BCAS3: variants seen among roughly 807,000 people sequenced by gnomAD.
BCAS3 encodes BCAS3 microtubule associated cell migration factor, also known as BCAS4/BCAS3 fusion.
Under a neutral mutation model 116.1 loss-of-function variants are expected in BCAS3, and 53 were observed. That is an observed-to-expected ratio of 0.46 (90% CI 0.37 to 0.57). The LOEUF is 0.57. Among genes scored for constraint, BCAS3 ranks in the 20% least tolerant of loss-of-function variants. The pLI is 0.00. For synonymous variants in BCAS3, 391 were observed against 408.2 expected (o/e 0.96, Z 0.51); for missense variants, 917 against 1,165.4 (o/e 0.79, Z 3.10).
intron 7 of BCAS3, among the ~76,000 whole-genome samples, chr17:60,855,452 ATTTT>A (rs565603643): frequency 8.0e-6 from 1 of 125,748 alleles, no homozygotes. Flanking sequence ...CTATTTTTAA[ATTTT>A]TTTTTTTTTT....
chr17:61,194,855 C>T (rs552603135), intron 22 of BCAS3, among the ~76,000 whole-genome samples: 6 of 152,004 alleles, frequency 3.9e-5, no homozygotes, highest in African/African-American at 7.2e-5. Flanking sequence ...AATATCTTCA[C>T]TTTCCATCTC....
At chr17:61,310,869 C>T (rs2054253018) in intron 22 of BCAS3, among the ~76,000 whole-genome samples, 2 of 152,098 alleles carry the variant, frequency 1.3e-5, no homozygotes, top group Admixed American at 6.5e-5. Context: ...GGTAGAATGC[C>T]GATGAGGATC....
chr17:60,887,260 C>A (rs1289931006), intron 9 of BCAS3: 1 of 151,018 alleles, frequency 6.6e-6, no homozygotes, highest in East Asian at 1.9e-4. Flanking sequence ...CTCCCTGACC[C>A]CTTGCGCTTC....
intron 23 of BCAS3, among the ~76,000 whole-genome samples, chr17:61,375,173 T>C (rs912831536): frequency 6.6e-6 from 1 of 152,026 alleles, no homozygotes. Flanking sequence ...ATAACAAATA[T>C]TTGTTGATTG....
chr17:60,922,620 CT>C, intron 12 of BCAS3, among the ~76,000 whole-genome samples: 1 of 152,260 alleles, frequency 6.6e-6, no homozygotes, highest in Middle Eastern at 3.4e-3. Flanking sequence ...TATTTTCTAA[CT>C]TGACCACCCA....
intron 6 of BCAS3, among the ~76,000 whole-genome samples, chr17:60,766,074 T>G (rs1657315743): frequency 6.6e-6 from 1 of 152,196 alleles, no homozygotes; most frequent in Non-Finnish European, 1.5e-5. Flanking sequence ...TTTATTCTAG[T>G]TAGCCATTTG....
intron 14 of BCAS3, among the ~76,000 whole-genome samples, chr17:60,979,621 T>G (rs1287625374): frequency 9.4e-5 from 14 of 148,996 alleles, no homozygotes; most frequent in African/African-American, 3.5e-4. Flanking sequence ...AGTATGATAT[T>G]GGCTGTGGGT....
rs182142933 is a variant in BCAS3, at chr17:61,366,953, C to T, written c.2426-1374C>T. Among the ~76,000 whole-genome samples the T allele has an allele frequency of 1.3e-5, 2 of 152,308 alleles. No homozygotes were observed. The highest frequency in any genetic ancestry group is 4.8e-5 in the African/African-American group (2 of 41,552). The stretch of plus-strand genomic sequence containing the variant: ...CCTCTTTGCTGATGTATGGAGTCAC[C>T]GGCTGTCGGAGTGTTTACTAACGGT... On this transcript the variant is annotated intron_variant, in intron 22 of 23. Transcript: ENST00000407086. The surrounding 1 kb of genome is among the most constrained non-coding windows in gnomAD (Gnocchi z 4.5).
chr17:60,829,467 G>C (rs9903705), intron 7 of BCAS3, among the ~76,000 whole-genome samples: 32,690 of 150,280 alleles, frequency 0.22, 4,577 homozygotes, highest in African/African-American at 0.4. Flanking sequence ...GCACTCCAGC[G>C]TGGACAATAG....
At chr17:60,902,495 C>G in intron 10 of BCAS3, 125 bp from the exon 11 acceptor site, 2 of 756,870 alleles carry the variant, frequency 2.6e-6, no homozygotes, top group East Asian at 2.5e-5. Context: ...CTGAAATACA[C>G]TCATGCAAAC....
In BCAS3 at chr17:61,324,406, G is replaced by A. The variant is rs2055560605; in HGVS notation, c.2426-43921G>A. Reference sequence around the variant, plus strand: ...GCTGATCACTGTCAGGGCAGGGCAGGGAGAGGCTGCCCCGAGTATGTGTGG... The same window carrying A: ...GCTGATCACTGTCAGGGCAGGGCAGAGAGAGGCTGCCCCGAGTATGTGTGG... On this transcript the variant is annotated intron_variant, in intron 22 of 23. Coordinates refer to ENST00000407086, the MANE Select transcript of BCAS3 (RefSeq NM_017679.5). This position sits in a 1 kb window ranked among gnomAD's most constrained non-coding sequence, Gnocchi z 4.6. 6.6e-6 allele frequency among the ~76,000 whole-genome samples: 1 copy of A among 152,192 alleles called. No individual in the cohort carries two copies. The highest frequency in any genetic ancestry group is 2.1e-4 in the South Asian group (1 of 4,832).
chr17:61,187,417 T>G (rs948410468), intron 22 of BCAS3, among the ~76,000 whole-genome samples: 1 of 152,244 alleles, frequency 6.6e-6, no homozygotes, highest in Non-Finnish European at 1.5e-5. Flanking sequence ...TGAGTAGCAC[T>G]GATGACCAAC....
rs1289086988 is a variant in BCAS3, at chr17:61,130,709, A to G, written c.2425+46145A>G. ...CCACTCTAATCAAACTGACCTTTTT[A>G]GTTTAGCTGGGCTCCAACCAGTTCT... On this transcript the variant is annotated intron_variant, in intron 22 of 23. Transcript: ENST00000407086. This position sits in a 1 kb window ranked among gnomAD's most constrained non-coding sequence, Gnocchi z 5.0. 1 of 152,224 alleles carries G rather than the reference A, an allele frequency of 6.6e-6. No individual in the cohort carries two copies. The highest frequency in any genetic ancestry group is 1.9e-4 in the East Asian group (1 of 5,196). 9.4% of individuals were successfully genotyped at this position (152,224 alleles called of 1,614,324 possible). A position where few individuals can be genotyped will look rare whatever the true frequency, so the allele number is the denominator to read the frequency against.
At position 61,220,423 on chromosome 17, in the gene BCAS3, A is replaced by G. The variant is rs2082046317; in HGVS notation, c.2425+135859A>G. Among the ~76,000 whole-genome samples the G allele has an allele frequency of 6.6e-6, 1 of 152,254 alleles. No homozygotes were observed. The highest frequency in any genetic ancestry group is 2.4e-5 in the African/African-American group (1 of 41,470). Reference sequence around the variant, plus strand: ...AGCTTGCCCACATTTTAGAGTTTACAGTTAATTAATGCTACTTTGTCAACT... The same window carrying G: ...AGCTTGCCCACATTTTAGAGTTTACGGTTAATTAATGCTACTTTGTCAACT... On this transcript the variant is annotated intron_variant, in intron 22 of 23. Transcript: ENST00000407086. This position sits in a 1 kb window ranked among gnomAD's most constrained non-coding sequence, Gnocchi z 4.5.
intron 19 of BCAS3, among the ~76,000 whole-genome samples, chr17:61,066,253 A>C (rs1029875020): frequency 6.6e-6 from 1 of 152,240 alleles, no homozygotes; most frequent in Non-Finnish European, 1.5e-5. Context: ...ATTACTGGAA[A>C]TTCAAGAAAT....
At chr17:61,061,074 T>C (rs2069975789) in intron 19 of BCAS3, among the ~76,000 whole-genome samples, 1 of 152,232 alleles carries the variant, frequency 6.6e-6, no homozygotes, top group Admixed American at 6.5e-5. Context: ...CTGATTAATT[T>C]AGAGTTAAAA....
chr17:60,754,215 T>A (rs2042773330), intron 6 of BCAS3, among the ~76,000 whole-genome samples: 1 of 152,006 alleles, frequency 6.6e-6, no homozygotes, highest in African/African-American at 2.4e-5. Context: ...TTTTCTTTTT[T>A]CTTTCTCTGG....
At chr17:61,223,666 A>G (rs1480686634) in intron 22 of BCAS3, among the ~76,000 whole-genome samples, 1 of 152,208 alleles carries the variant, frequency 6.6e-6, no homozygotes, top group African/African-American at 2.4e-5. Flanking sequence ...ATCATTAGAA[A>G]GATATCAAGG....
intron 19 of BCAS3, among the ~76,000 whole-genome samples, chr17:61,067,273 G>GTGTATATATATATATATATATA (rs1251223420): frequency 1.7e-5 from 1 of 58,796 alleles, no homozygotes; most frequent in Non-Finnish European, 2.9e-5. Flanking sequence ...GTGTGTATGT[G>GTGTATATATATATATATATATA]TATATATATA....
Sources: gnomAD v4.1 joint callset for allele counts (sites outside exome capture counted in the v4.1 genomes callset) on GRCh38, gnomAD v4.1.1 for gene constraint, Gnocchi (gnomAD v3.1) non-coding constraint, MANE v1.5 for transcripts, NCBI Gene and HGNC (gene_info 2026-07-23, HGNC 2026-07-21) for gene names.